CRTAC1: variants seen among roughly 807,000 people sequenced by gnomAD.
The protein encoded by CRTAC1 is acidic secreted protein in cartilage.
A neutral mutation model predicts 67.8 loss-of-function variants in CRTAC1; 37 were observed. That is an observed-to-expected ratio of 0.55 (90% CI 0.42 to 0.72). The LOEUF is 0.72. Among genes scored for constraint, CRTAC1 ranks in the 30% least tolerant of loss-of-function variants. CRTAC1 has a pLI of 0.00. For synonymous variants in CRTAC1, 348 were observed against 371.0 expected (o/e 0.94, Z 0.71); for missense variants, 780 against 931.6 (o/e 0.84, Z 2.12).
chr10:97,986,215 G>A lies in CRTAC1; in HGVS notation c.224+24923C>T, dbSNP rs116129963. Among the ~76,000 whole-genome samples the A allele has an allele frequency of 4.6e-3, 698 of 152,270 alleles. 6 individuals carry two copies. Among genetic ancestry groups the A allele is most frequent in the African/African-American group, 0.015 (641 of 41,548 alleles). On this transcript the variant is annotated intron_variant, in intron 2 of 14. Transcript: ENST00000370597. ...CTCCCAAACAGACTGCCACCACACC[G>A]GGGAGAGGAGAGCTCTAGCATTTGA...
intron 2 of CRTAC1, among the ~76,000 whole-genome samples, chr10:97,947,436 G>T (rs2051283340): frequency 6.6e-6 from 1 of 152,216 alleles, no homozygotes; most frequent in South Asian, 2.1e-4. Flanking sequence ...TATGGGTCAG[G>T]CATTTATGAA....
chr10:97,988,801 C>A (rs1269278491), intron 2 of CRTAC1, among the ~76,000 whole-genome samples: 1 of 152,192 alleles, frequency 6.6e-6, no homozygotes, highest in Non-Finnish European at 1.5e-5. Flanking sequence ...TAGGACCAAG[C>A]ATTTTGTGTG....
intron 4 of CRTAC1, among the ~76,000 whole-genome samples, chr10:97,920,557 C>T (rs753409785): frequency 9.9e-5 from 15 of 152,052 alleles, no homozygotes; most frequent in East Asian, 5.8e-4. Context: ...ACAGGTCTGG[C>T]GTGAGCCATG....
At chr10:97,888,145 GC>G (rs1354277432) in intron 11 of CRTAC1, among the ~76,000 whole-genome samples, 1 of 152,164 alleles carries the variant, frequency 6.6e-6, no homozygotes, top group African/African-American at 2.4e-5. Flanking sequence ...CATATACCAA[GC>G]TTTGTGCAGG....
chr10:97,991,932 G>A lies in CRTAC1; in HGVS notation c.224+19206C>T, dbSNP rs529849320. On this transcript the variant is annotated intron_variant, in intron 2 of 14. Coordinates refer to ENST00000370597, the MANE Select transcript of CRTAC1 (RefSeq NM_018058.7). ...TGACATTAATACATTGTCTAGAAAG[G>A]AAACTTTTATAATGAGACTTACCAT... Among the ~76,000 whole-genome samples, 5 of 152,294 alleles carry A rather than the reference G, an allele frequency of 3.3e-5. No individual in the cohort carries two copies. In the South Asian group the frequency reaches 1.0e-3, roughly 32 times the overall value.
chr10:97,992,379 G>A (rs537726093), intron 2 of CRTAC1, among the ~76,000 whole-genome samples: 13 of 152,306 alleles, frequency 8.5e-5, no homozygotes, highest in South Asian at 4.1e-4. Flanking sequence ...ATGGAAAACC[G>A]TATGGAAGTT....
chr10:97,890,816 C>G (rs951533134), intron 11 of CRTAC1, among the ~76,000 whole-genome samples: 40 of 152,170 alleles, frequency 2.6e-4, no homozygotes, highest in African/African-American at 9.2e-4. Context: ...TACAGGCATG[C>G]ACCACCACGC....
intron 5 of CRTAC1, among the ~76,000 whole-genome samples, chr10:97,910,707 C>T (rs1364654900): frequency 6.6e-6 from 1 of 152,132 alleles, no homozygotes; most frequent in African/African-American, 2.4e-5. Flanking sequence ...CTGAGAGATG[C>T]CCCCAGGGGA....
rs1032134228 is a variant in CRTAC1, at chr10:98,029,676, C to T, written c.24+773G>A. The stretch of plus-strand genomic sequence containing the variant: ...TTGCTTTCTGCAGAAGCGGGACTAA[C>T]CAGGGCTCCCAACTACTGTACTGCA... On this transcript the variant is annotated intron_variant, in intron 1 of 14. Transcript: ENST00000370597. The surrounding 1 kb of genome is among the most constrained non-coding windows in gnomAD (Gnocchi z 4.7). 1.4e-4 allele frequency among the ~76,000 whole-genome samples: 21 copies of T among 152,226 alleles called. No individual in the cohort carries two copies. Among genetic ancestry groups the T allele is most frequent in the African/African-American group, 5.1e-4 (21 of 41,460 alleles).
At chr10:97,913,541 C>A (rs978043323) in intron 5 of CRTAC1, among the ~76,000 whole-genome samples, 3 of 152,170 alleles carry the variant, frequency 2.0e-5, no homozygotes, top group Non-Finnish European at 4.4e-5. Flanking sequence ...GAGAAAAATG[C>A]ACACAAAAAT....
In CRTAC1 at chr10:97,967,004, C is replaced by G. The variant is rs375422632; in HGVS notation, c.225-30638G>C. 4.2e-3 allele frequency among the ~76,000 whole-genome samples: 625 copies of G among 150,080 alleles called. 12 individuals are homozygous for G. The highest frequency in any genetic ancestry group is 0.014 in the African/African-American group (564 of 40,734). On this transcript the variant is annotated intron_variant, in intron 2 of 14. Coordinates refer to ENST00000370597, the MANE Select transcript of CRTAC1 (RefSeq NM_018058.7). ...TCCATTGTAAAGTCACCCCCCCCCC[C>G]CCGACATCCTACATGCTTCAGAAGG...
chr10:98,002,110 C>G (rs1205783011), intron 2 of CRTAC1, among the ~76,000 whole-genome samples: 1 of 152,158 alleles, frequency 6.6e-6, no homozygotes, highest in Non-Finnish European at 1.5e-5. Flanking sequence ...TAAGAAGGTC[C>G]TTCAGCCAGC....
rs201779053 is a variant in CRTAC1, at chr10:97,936,303, C to A, written c.288G>T (p.Ala96=). The change falls in exon 3 of 15, where the codon GCG becomes GCT. Residue 96 remains alanine, a synonymous_variant. Coordinates refer to ENST00000370597, the MANE Select transcript of CRTAC1 (RefSeq NM_018058.7). ...AGTAGGGTGAGCTGCGCTCATCGAC[C>A]GCGATGTTCACCAGCCGCTTCTGGG... ...DRAQKRLVNI[A]VDERSSPYYA... 2 of 1,613,556 alleles carry A rather than the reference C, an allele frequency of 1.2e-6. No homozygotes were observed. The highest frequency in any genetic ancestry group is 2.7e-5 in the African/African-American group (2 of 74,942).
intron 5 of CRTAC1, among the ~76,000 whole-genome samples, 190 bp from the exon 6 acceptor site, chr10:97,908,337 G>A (rs573100319): frequency 6.6e-6 from 1 of 152,306 alleles, no homozygotes; most frequent in African/African-American, 2.4e-5. Context: ...TGTGTGGAAG[G>A]TAACAACACT....
chr10:97,960,698 G>A (rs2051511750), intron 2 of CRTAC1, among the ~76,000 whole-genome samples: 1 of 152,220 alleles, frequency 6.6e-6, no homozygotes, highest in African/African-American at 2.4e-5. Flanking sequence ...CACCTTTGGG[G>A]CATGATTCTG....
chr10:97,944,950 C>A (rs933109508), intron 2 of CRTAC1, among the ~76,000 whole-genome samples: 1 of 152,220 alleles, frequency 6.6e-6, no homozygotes, highest in Non-Finnish European at 1.5e-5. Flanking sequence ...GTGAGTGACA[C>A]CAGCTGATGT....
intron 8 of CRTAC1, 48 bp from the exon 9 acceptor site, chr10:97,897,039 T>TG: frequency 7.1e-7 from 1 of 1,413,118 alleles, no homozygotes; most frequent in Non-Finnish European, 9.7e-7. Flanking sequence ...CAGAGGCCGC[T>TG]GGACCAGAAG....
chr10:98,019,760 G>T (rs1184985604), intron 1 of CRTAC1, among the ~76,000 whole-genome samples: 1 of 152,226 alleles, frequency 6.6e-6, no homozygotes, highest in Non-Finnish European at 1.5e-5. Flanking sequence ...GAAGCCTGCA[G>T]TGGGCAGGGA....
At chr10:97,907,519 C>T (rs1406457584) in intron 6 of CRTAC1, among the ~76,000 whole-genome samples, 2 of 144,864 alleles carry the variant, frequency 1.4e-5, no homozygotes, top group African/African-American at 5.0e-5. Flanking sequence ...TTTTTGTCTA[C>T]ATCTGTTTCT....
Sources: gnomAD v4.1 joint callset for allele counts (sites outside exome capture counted in the v4.1 genomes callset) on GRCh38, gnomAD v4.1.1 for gene constraint, Gnocchi (gnomAD v3.1) non-coding constraint, MANE v1.5 for transcripts, NCBI Gene and HGNC (gene_info 2026-07-23, HGNC 2026-07-21) for gene names.